GALNT10: variants seen among roughly 807,000 people sequenced by gnomAD.
GALNT10 encodes GalNAc transferase 10.
Under a neutral mutation model 75.0 loss-of-function variants are expected in GALNT10, and 41 were observed. The ratio of observed to expected loss-of-function variants is 0.55; its 90% CI spans 0.43 to 0.71. The LOEUF is 0.71. Among genes scored for constraint, GALNT10 ranks in the 30% least tolerant of loss-of-function variants. GALNT10 has a pLI of 0.00. For synonymous variants in GALNT10, 302 were observed against 313.0 expected, an observed-to-expected ratio of 0.96 and a Z score of 0.37; for missense variants, 727 against 818.5, an observed-to-expected ratio of 0.89 and a Z score of 1.36.
rs1319145114 is a variant in GALNT10 at position 154,376,270 on chromosome 5, C to G, written c.569-7C>G. The G allele has an allele frequency of 2.5e-6, 4 of 1,591,014 alleles. No homozygotes were observed. Among genetic ancestry groups the G allele is most frequent in the Non-Finnish European group, 3.4e-6 (4 of 1,160,594 alleles). ...TTCTCACTCTTCTGTCCTCTTCTGT[C>G]TCATAGAGCACCTGAAGAAGCCTCT... On this transcript the variant is annotated splice_region_variant and splice_polypyrimidine_tract_variant and intron_variant, in intron 4 of 11. Coordinates refer to ENST00000297107, the MANE Select transcript of GALNT10 (RefSeq NM_198321.4). The surrounding 1 kb of genome is among the most constrained non-coding windows in gnomAD (Gnocchi z 4.1).
intron 1 of GALNT10, among the ~76,000 whole-genome samples, chr5:154,255,574 T>C (rs1397394450): frequency 6.6e-6 from 1 of 152,116 alleles, no homozygotes; most frequent in Non-Finnish European, 1.5e-5. Flanking sequence ...CCTTATTTTA[T>C]AGTAGGGTCA....
chr5:154,366,789 G>C (rs1410749123), intron 4 of GALNT10, among the ~76,000 whole-genome samples: 1 of 152,192 alleles, frequency 6.6e-6, no homozygotes, highest in East Asian at 1.9e-4. Flanking sequence ...GATCTATTGA[G>C]GTAAGCAATG....
chr5:154,356,056 A>G, intron 4 of GALNT10: 1 of 449,254 alleles, frequency 2.2e-6, no homozygotes, highest in Non-Finnish European at 4.5e-6. Context: ...CTGTTTTGGT[A>G]TTTAGAATGG....
intron 1 of GALNT10, among the ~76,000 whole-genome samples, chr5:154,289,722 A>G (rs1357831964): frequency 1.3e-5 from 2 of 152,206 alleles, no homozygotes; most frequent in African/African-American, 2.4e-5. Context: ...CTGGGCTCCT[A>G]TCTGTAGACA....
At chr5:154,213,864 C>G (rs903195837) in intron 1 of GALNT10, among the ~76,000 whole-genome samples, 1 of 152,138 alleles carries the variant, frequency 6.6e-6, no homozygotes, top group East Asian at 1.9e-4. Context: ...ATTACAGGCA[C>G]GAACCATGTG....
chr5:154,305,577 A>C (rs2113088148), intron 3 of GALNT10, among the ~76,000 whole-genome samples: 1 of 152,374 alleles, frequency 6.6e-6, no homozygotes, highest in East Asian at 1.9e-4. Flanking sequence ...AATATCAGTC[A>C]AAATAGATTT....
intron 1 of GALNT10, among the ~76,000 whole-genome samples, chr5:154,243,163 ACTTAT>A (rs771490300): frequency 7.9e-5 from 12 of 152,106 alleles, no homozygotes; most frequent in African/African-American, 1.7e-4. Context: ...TGGGGTCTCA[ACTTAT>A]CTTATCTCAA....
chr5:154,311,471 G>A (rs1176994597), intron 3 of GALNT10, among the ~76,000 whole-genome samples: 1 of 152,114 alleles, frequency 6.6e-6, no homozygotes, highest in Non-Finnish European at 1.5e-5. Context: ...GAGAACCTCA[G>A]CCCTTTGTTC....
intron 1 of GALNT10, among the ~76,000 whole-genome samples, chr5:154,293,053 A>G (rs1314756720): frequency 6.6e-6 from 1 of 152,194 alleles, no homozygotes; most frequent in Non-Finnish European, 1.5e-5. Flanking sequence ...AGAGAGGTCT[A>G]TAGGAGAAAG....
chr5:154,206,209 T>G (rs1775107402), intron 1 of GALNT10, among the ~76,000 whole-genome samples: 1 of 152,244 alleles, frequency 6.6e-6, no homozygotes, highest in Non-Finnish European at 1.5e-5. Flanking sequence ...TATATATTCT[T>G]TAACTAAAGC....
chr5:154,296,276 A>G (rs1469722213), intron 2 of GALNT10, among the ~76,000 whole-genome samples: 1 of 152,040 alleles, frequency 6.6e-6, no homozygotes, highest in South Asian at 2.1e-4. Context: ...TTGTATTTTT[A>G]GTGGAGTTGG....
intron 4 of GALNT10, chr5:154,349,715 AC>A (rs1755178614): frequency 6.6e-6 from 1 of 151,676 alleles, no homozygotes. Context: ...ACATAGCAAG[AC>A]CCCATCTCTG....
intron 1 of GALNT10, among the ~76,000 whole-genome samples, chr5:154,243,484 C>T (rs1753371413): frequency 1.3e-5 from 2 of 152,094 alleles, no homozygotes; most frequent in Admixed American, 6.5e-5. Context: ...GCCAATATTA[C>T]GTAGTGGTTA....
chr5:154,217,154 ACTTC>A (rs1290168876), intron 1 of GALNT10, among the ~76,000 whole-genome samples: 3 of 151,890 alleles, frequency 2.0e-5, no homozygotes, highest in Non-Finnish European at 4.4e-5. Flanking sequence ...GGCAGCCCCC[ACTTC>A]CTTCCTCCTC....
intron 4 of GALNT10, among the ~76,000 whole-genome samples, chr5:154,349,931 T>A (rs1217403593): frequency 1.3e-5 from 2 of 152,164 alleles, no homozygotes; most frequent in Non-Finnish European, 2.9e-5. Context: ...CACATGGCTA[T>A]TCACATTTAA....
chr5:154,264,532 T>C (rs1753749681), intron 1 of GALNT10, among the ~76,000 whole-genome samples: 1 of 152,128 alleles, frequency 6.6e-6, no homozygotes, highest in Admixed American at 6.5e-5. Flanking sequence ...ATAATGTATA[T>C]ATAGGCAGAC....
chr5:154,384,670 G>T (rs1054231581), intron 6 of GALNT10, among the ~76,000 whole-genome samples: 1 of 152,160 alleles, frequency 6.6e-6, no homozygotes, highest in African/African-American at 2.4e-5. Flanking sequence ...GAGAGTGAGG[G>T]TTCCGAATTT....
chr5:154,194,501 C>T (rs966720404), intron 1 of GALNT10, among the ~76,000 whole-genome samples: 16 of 152,136 alleles, frequency 1.1e-4, no homozygotes, highest in African/African-American at 3.4e-4. Context: ...AGAACAAATC[C>T]GGCTCCCTAC....
chr5:154,200,152 A>G (rs1775004028), intron 1 of GALNT10, among the ~76,000 whole-genome samples: 1 of 152,166 alleles, frequency 6.6e-6, no homozygotes, highest in South Asian at 2.1e-4. Context: ...TGAGACCCCC[A>G]TGAGCCTGGT....
Sources: allele counts gnomAD v4.1 joint callset (sites outside exome capture counted in the v4.1 genomes callset), GRCh38; gene constraint gnomAD v4.1.1; non-coding constraint Gnocchi (gnomAD v3.1); transcripts MANE v1.5; gene names NCBI Gene and HGNC (gene_info 2026-07-23, HGNC 2026-07-21).